TRAF3IP3: variants seen among roughly 807,000 people sequenced by gnomAD.
TRAF3IP3 encodes the protein TRAF3 interacting protein 3, also known as TRAF3-interacting JNK-activating modulator.
In TRAF3IP3, 64 loss-of-function variants were observed where a neutral mutation model predicts 86.5. That is an observed-to-expected ratio of 0.74 (90% CI 0.60 to 0.91). The LOEUF is 0.91. Among genes scored for constraint, TRAF3IP3 ranks in the 40% least tolerant of loss-of-function variants. TRAF3IP3 has a pLI of 0.00. For missense variants in TRAF3IP3, 579 were observed against 642.9 expected, an observed-to-expected ratio of 0.90 and a Z score of 1.07; for synonymous variants, 220 against 243.9, an observed-to-expected ratio of 0.90 and a Z score of 0.91.
intron 8 of TRAF3IP3, among the ~76,000 whole-genome samples, chr1:209,771,667 G>C (rs2077532974): frequency 6.7e-6 from 1 of 149,732 alleles, no homozygotes. Flanking sequence ...ATGTGAAGGT[G>C]TGTGTTCAGG....
intron 9 of TRAF3IP3, among the ~76,000 whole-genome samples, chr1:209,773,780 G>C (rs1468311333): frequency 6.6e-6 from 1 of 152,172 alleles, no homozygotes; most frequent in Non-Finnish European, 1.5e-5. Context: ...AACTTGCTTT[G>C]TCAGGACTAA....
At chr1:209,768,493 G>A in intron 8 of TRAF3IP3, 2 of 985,594 alleles carry the variant, frequency 2.0e-6, no homozygotes, top group Non-Finnish European at 2.4e-6. Flanking sequence ...ATCTTGAGAT[G>A]ACAGCGCAGC....
rs1324404372 is a variant in TRAF3IP3, at chr1:209,777,436, T to C, written c.1138T>C (p.Cys380Arg). The C allele has an allele frequency of 4.3e-6, 7 of 1,613,972 alleles. No individual in the cohort carries two copies. Among genetic ancestry groups the C allele is most frequent in the African/African-American group, 2.7e-5 (2 of 74,924 alleles). ...CCAGCAACTGCAGGCCAAGATTGAA[T>C]GCCTGCAAGGGGACAGAGACCTGTG... ...EHQQLQAKIE[C>R]LQGDRDLCSL... Residue 380 changes from cysteine to arginine, a missense_variant, in exon 12 of 17, where the codon TGC becomes CGC. Transcript: ENST00000367025.
intron 3 of TRAF3IP3, 65 bp downstream of exon 3, chr1:209,760,449 T>C: frequency 7.1e-7 from 1 of 1,399,756 alleles, no homozygotes; most frequent in South Asian, 1.4e-5. Flanking sequence ...GGAGGGTGGG[T>C]GGGCTCAAGG....
chr1:209,771,983 G>GTGTGTGCAGGTGGAAGTGTA (rs1353521175), intron 8 of TRAF3IP3, among the ~76,000 whole-genome samples: 4,618 of 145,782 alleles, frequency 0.032, 429 homozygotes, highest in East Asian at 0.25. Context: ...GTGGAGGTAC[G>GTGTGTGCAGGTGGAAGTGTA]TGTGTGCAGG....
chr1:209,777,423 G>A lies in TRAF3IP3; in HGVS notation c.1125G>A (p.Gln375=). The A allele has an allele frequency of 6.2e-7, 1 of 1,614,074 alleles. No individual in the cohort carries two copies. Among genetic ancestry groups the A allele is most frequent in the Non-Finnish European group, 8.5e-7 (1 of 1,180,008 alleles). Residue 375 remains glutamine, a synonymous_variant, in exon 12 of 17, where the codon CAG becomes CAA. Coordinates refer to ENST00000367025, the MANE Select transcript of TRAF3IP3 (RefSeq NM_025228.4). ...RFLENEHQQL[Q]AKIECLQGDR... is the part of the protein sequence containing the mutation. ...TGGAAAATGAGCACCAGCAACTGCA[G>A]GCCAAGATTGAATGCCTGCAAGGGG... is the stretch of plus-strand genomic sequence containing the variant.
chr1:209,768,726 C>T (rs868168014), intron 8 of TRAF3IP3: 1 of 983,438 alleles, frequency 1.0e-6, no homozygotes, highest in Non-Finnish European at 1.2e-6. Flanking sequence ...GCCCTCGGCT[C>T]CCGGGGTCTA....
At chr1:209,777,860 G>A (rs1287658012) in intron 12 of TRAF3IP3, 4 of 547,616 alleles carry the variant, frequency 7.3e-6, no homozygotes, top group African/African-American at 1.9e-5. Context: ...CTCTGTGTCC[G>A]CTGATAGAGA....
chr1:209,766,456 TA>T, intron 8 of TRAF3IP3, among the ~76,000 whole-genome samples: 1 of 152,224 alleles, frequency 6.6e-6, no homozygotes, highest in East Asian at 1.9e-4. Flanking sequence ...ATGTAATAAA[TA>T]ACACCAAAAC....
intron 9 of TRAF3IP3, among the ~76,000 whole-genome samples, chr1:209,773,923 C>T (rs530310339): frequency 6.6e-6 from 1 of 152,298 alleles, no homozygotes; most frequent in South Asian, 2.1e-4. Context: ...GGGACATCCC[C>T]TACATATGAC....
At chr1:209,781,547 C>T (rs1418376691) in intron 16 of TRAF3IP3, 89 bp downstream of exon 16, 18 of 916,166 alleles carry the variant, frequency 2.0e-5, no homozygotes, top group South Asian at 5.6e-5. Flanking sequence ...TATCAGCCCA[C>T]GCCAACAACT....
intron 6 of TRAF3IP3, 113 bp from the exon 7 acceptor site, chr1:209,763,250 G>C: frequency 7.0e-7 from 1 of 1,433,338 alleles, no homozygotes; most frequent in Non-Finnish European, 9.8e-7. Flanking sequence ...GACCCTGTCA[G>C]AGCCAAAGCA....
chr1:209,769,690 C>T (rs1297728790), intron 8 of TRAF3IP3, among the ~76,000 whole-genome samples: 1 of 152,172 alleles, frequency 6.6e-6, no homozygotes, highest in East Asian at 1.9e-4. Context: ...ACCTCAAAGC[C>T]GAGCCCCCTC....
chr1:209,778,071 T>G (rs1438632702), intron 12 of TRAF3IP3, 40 bp from the exon 13 acceptor site: 1 of 1,579,628 alleles, frequency 6.3e-7, no homozygotes, highest in East Asian at 2.2e-5. Flanking sequence ...TCATTAAGTC[T>G]TGGGTTCCTT....
At chr1:209,780,311 C>T (rs1289729891) in intron 14 of TRAF3IP3, 159 bp from the exon 15 acceptor site, 3 of 568,652 alleles carry the variant, frequency 5.3e-6, no homozygotes, top group African/African-American at 1.9e-5. Context: ...CAGGGGCCTA[C>T]TGGAAGTTAA....
chr1:209,768,579 G>A, intron 8 of TRAF3IP3: 2 of 985,802 alleles, frequency 2.0e-6, no homozygotes, highest in African/African-American at 3.5e-5. Context: ...CTGTGGTGAG[G>A]TGGTGGTGTT....
rs1286589462 is a variant in TRAF3IP3, at chr1:209,775,240, G to A, written c.775-109G>A. On this transcript the variant is annotated intron_variant, in intron 9 of 16. Transcript: ENST00000367025. ...AAAGAAATGGCTCACTAGATTACTG[G>A]TATCTCTGCCTGGGGGAAGAACCAA... 1.7e-5 allele frequency: 17 copies of A among 1,026,740 alleles called. No homozygotes were observed. The East Asian group carries it at 4.2e-4, about 25-fold the overall frequency. 63.6% of individuals were successfully genotyped at this position (1,026,740 alleles called of 1,614,324 possible).
chr1:209,770,652 CATGTGAAGGTGTGT>C (rs1309694568), intron 8 of TRAF3IP3, among the ~76,000 whole-genome samples: 1 of 134,802 alleles, frequency 7.4e-6, no homozygotes, highest in East Asian at 2.3e-4. Context: ...TGCACATGTG[CATGTGAAGGTGTGT>C]GTGTGCATAT....
At chr1:209,768,286 C>A (rs932377362) in intron 8 of TRAF3IP3, 6 of 985,304 alleles carry the variant, frequency 6.1e-6, no homozygotes, top group Non-Finnish European at 2.4e-6. Flanking sequence ...CAGCTCCCTC[C>A]GCTGGCTTCA....
Sources: gnomAD v4.1 joint callset for allele counts (sites outside exome capture counted in the v4.1 genomes callset) on GRCh38, gnomAD v4.1.1 for gene constraint, MANE v1.5 for transcripts, NCBI Gene and HGNC (gene_info 2026-07-23, HGNC 2026-07-21) for gene names.